UBE3D: variants seen among roughly 807,000 people sequenced by gnomAD.
The protein encoded by UBE3D is ubiquitin protein ligase E3D, also known as E3 ubiquitin-protein ligase E3D.
UBE3D carries 48 observed loss-of-function variants against 49.6 expected under a neutral mutation model. The ratio of observed to expected loss-of-function variants is 0.97; its 90% CI spans 0.77 to 1.23. UBE3D has a LOEUF of 1.23. Ranked by LOEUF, UBE3D falls within the 50% of genes most tolerant of loss-of-function variation. The pLI is 0.00. For missense variants in UBE3D, 452 were observed against 468.4 expected (o/e 0.96, Z 0.32); for synonymous variants, 189 against 174.2 (o/e 1.08, Z -0.67).
chr6:82,942,547 G>T (rs1775089868), intron 9 of UBE3D, among the ~76,000 whole-genome samples: 1 of 152,146 alleles, frequency 6.6e-6, no homozygotes, highest in African/African-American at 2.4e-5. Context: ...TGGTTTTGTG[G>T]GCCAGGCCCA....
chr6:82,939,111 A>G (rs1484429866), intron 9 of UBE3D, among the ~76,000 whole-genome samples: 1 of 152,082 alleles, frequency 6.6e-6, no homozygotes, highest in Non-Finnish European at 1.5e-5. Context: ...TCATCACAGA[A>G]TTAGACAAAC....
intron 4 of UBE3D, among the ~76,000 whole-genome samples, chr6:83,039,468 T>C (rs544588478): frequency 1.3e-5 from 2 of 152,326 alleles, no homozygotes; most frequent in Admixed American, 6.5e-5. Context: ...CTGAGTTCCA[T>C]GGAAGTGCTG....
chr6:83,037,737 A>T (rs939274050), intron 5 of UBE3D: 1 of 152,236 alleles, frequency 6.6e-6, no homozygotes, highest in Non-Finnish European at 1.5e-5. Context: ...GACACTATAA[A>T]CCATATCTTT....
At chr6:83,046,675 G>GGGA (rs1373000873) in intron 3 of UBE3D, among the ~76,000 whole-genome samples, 8 of 138,970 alleles carry the variant, frequency 5.8e-5, no homozygotes, top group Admixed American at 7.3e-5. Context: ...CAGTTGGCGG[G>GGGA]GGGGGTGGGC....
chr6:82,950,066 G>A (rs1237226430), intron 9 of UBE3D, among the ~76,000 whole-genome samples: 5 of 152,076 alleles, frequency 3.3e-5, no homozygotes, highest in African/African-American at 1.2e-4. Flanking sequence ...AATCAACAAA[G>A]TGAAGAGACA....
chr6:82,920,724 C>G (rs1173810899), intron 9 of UBE3D, among the ~76,000 whole-genome samples: 2 of 152,178 alleles, frequency 1.3e-5, no homozygotes, highest in Non-Finnish European at 2.9e-5. Flanking sequence ...TACTTTTTCA[C>G]TTATTTCCTT....
At chr6:82,942,691 GCA>G (rs1212787080) in intron 9 of UBE3D, among the ~76,000 whole-genome samples, 3 of 152,238 alleles carry the variant, frequency 2.0e-5, no homozygotes, top group Non-Finnish European at 4.4e-5. Context: ...CCCTGTGAGT[GCA>G]CAGTTGTCAA....
intron 3 of UBE3D, among the ~76,000 whole-genome samples, chr6:83,050,311 G>T (rs1177951294): frequency 1.3e-5 from 2 of 150,886 alleles, no homozygotes; most frequent in East Asian, 3.9e-4. Flanking sequence ...CAAAGTACAT[G>T]AAACCCCAAA....
At chr6:82,965,448 T>G (rs1776844931) in intron 8 of UBE3D, among the ~76,000 whole-genome samples, 1 of 151,918 alleles carries the variant, frequency 6.6e-6, no homozygotes, top group Non-Finnish European at 1.5e-5. Context: ...CCAGGTGTGG[T>G]GGCGCATGCC....
At chr6:83,036,974 C>A (rs982609010) in intron 5 of UBE3D, 1 of 151,920 alleles carries the variant, frequency 6.6e-6, no homozygotes, top group Admixed American at 6.6e-5. Context: ...GTCTGCAAGT[C>A]TTTTCTCTAG....
At chr6:83,045,172 A>G (rs1338956566) in intron 3 of UBE3D, among the ~76,000 whole-genome samples, 1 of 152,206 alleles carries the variant, frequency 6.6e-6, no homozygotes, top group Non-Finnish European at 1.5e-5. Flanking sequence ...CTTGGAAAGA[A>G]TCCTATATAA....
chr6:82,921,920 G>C (rs1449747229), intron 9 of UBE3D, among the ~76,000 whole-genome samples: 1 of 152,094 alleles, frequency 6.6e-6, no homozygotes, highest in Non-Finnish European at 1.5e-5. Context: ...ACAAATAAAA[G>C]AAATAGCAAA....
chr6:83,019,818 T>C (rs1780959192), intron 7 of UBE3D, among the ~76,000 whole-genome samples: 1 of 152,206 alleles, frequency 6.6e-6, no homozygotes, highest in Non-Finnish European at 1.5e-5. Context: ...TGTTCTACCT[T>C]GAGACAAGAG....
At chr6:83,058,859 C>T (rs973940761) in intron 1 of UBE3D, among the ~76,000 whole-genome samples, 4 of 152,192 alleles carry the variant, frequency 2.6e-5, no homozygotes, top group South Asian at 2.1e-4. Context: ...GTTAGCAATA[C>T]AGAATATTAA....
intron 9 of UBE3D, chr6:82,894,006 ATATCAACTTCCTGCTGAGTTTCTC>A (rs1439099660): frequency 3.9e-5 from 6 of 152,314 alleles, no homozygotes; most frequent in African/African-American, 1.4e-4. Flanking sequence ...CTGAGTTTCC[ATATCAACTTCCTGCTGAGTTTCTC>A]TATCAAGAGA....
intron 9 of UBE3D, among the ~76,000 whole-genome samples, chr6:82,894,282 T>G (rs1771151686): frequency 6.6e-6 from 1 of 152,040 alleles, no homozygotes; most frequent in African/African-American, 2.4e-5. Flanking sequence ...CCACCTGACT[T>G]TCTTATCATA....
intron 9 of UBE3D, among the ~76,000 whole-genome samples, chr6:82,952,605 A>T (rs1775881719): frequency 6.6e-6 from 1 of 151,978 alleles, no homozygotes; most frequent in Admixed American, 6.6e-5. Flanking sequence ...TTAATTTTTT[A>T]CATAGATGGT....
At chr6:82,965,549 C>T (rs1389837599) in intron 8 of UBE3D, among the ~76,000 whole-genome samples, 2 of 148,626 alleles carry the variant, frequency 1.3e-5, no homozygotes, top group Non-Finnish European at 3.0e-5. Context: ...CGCCATTGTC[C>T]TCCAGCCTGG....
chr6:82,941,548 C>T (rs1451083383), intron 9 of UBE3D, among the ~76,000 whole-genome samples: 4 of 151,916 alleles, frequency 2.6e-5, no homozygotes, highest in African/African-American at 7.2e-5. Context: ...TTCTAGGAGC[C>T]CCTATAAGTT....
Sources: gnomAD v4.1 joint callset for allele counts (sites outside exome capture counted in the v4.1 genomes callset) on GRCh38, gnomAD v4.1.1 for gene constraint, MANE v1.5 for transcripts, NCBI Gene and HGNC (gene_info 2026-07-23, HGNC 2026-07-21) for gene names.